CEP104: variants seen among roughly 807,000 people sequenced by gnomAD.
CEP104 encodes centrosomal protein 104, also known as centrosomal protein of 104 kDa.
A neutral mutation model predicts 113.3 loss-of-function variants in CEP104; 84 were observed. That is an observed-to-expected ratio of 0.74 (90% CI 0.62 to 0.89). The LOEUF is 0.89. Among genes scored for constraint, CEP104 ranks in the 40% least tolerant of loss-of-function variants. The pLI is 0.00. For missense variants in CEP104, 1,053 were observed against 1,156.6 expected, an observed-to-expected ratio of 0.91 and a Z score of 1.30; for synonymous variants, 378 against 421.7, an observed-to-expected ratio of 0.90 and a Z score of 1.27.
Position 3,836,377 on chromosome 1 carries a change from C to T in CEP104, c.1317+118G>A, listed in dbSNP as rs115574323. 4,118 of 1,008,994 alleles carry T rather than the reference C, an allele frequency of 4.1e-3. 115 individuals are homozygous for T. In the African/African-American group the frequency reaches 0.059, roughly 14 times the overall value. 62.5% of individuals were successfully genotyped at this position (1,008,994 alleles called of 1,614,324 possible). ...GAACAAAGGGAAGTCAACAATATTA[C>T]AAATGCAAAGCCGTGGGCGTTTTCC... is the stretch of plus-strand genomic sequence containing the variant. On this transcript the variant is annotated intron_variant, in intron 10 of 21. Coordinates refer to ENST00000378230, the MANE Select transcript of CEP104 (RefSeq NM_014704.4).
At chr1:3,841,897 C>T (rs1398178287) in intron 6 of CEP104, among the ~76,000 whole-genome samples, 1 of 152,224 alleles carries the variant, frequency 6.6e-6, no homozygotes, top group Non-Finnish European at 1.5e-5. Context: ...GCACTTGCTT[C>T]AGTAAGGGCA....
intron 20 of CEP104, among the ~76,000 whole-genome samples, chr1:3,818,926 C>G (rs1643920497): frequency 6.6e-6 from 1 of 152,184 alleles, no homozygotes; most frequent in Non-Finnish European, 1.5e-5. Flanking sequence ...GAAATCCCTT[C>G]CTATTCTGAA....
intron 4 of CEP104, 142 bp downstream of exon 4, chr1:3,847,333 G>A: frequency 2.3e-6 from 2 of 872,922 alleles, no homozygotes; most frequent in East Asian, 2.7e-5. Flanking sequence ...AGACAGCACA[G>A]CTCAGAGAGC....
At chr1:3,840,426 C>T (rs1024085357) in intron 6 of CEP104, among the ~76,000 whole-genome samples, 3 of 152,004 alleles carry the variant, frequency 2.0e-5, no homozygotes, top group Admixed American at 6.6e-5. Flanking sequence ...TTAGTATAGA[C>T]GGGTTTTCAT....
intron 21 of CEP104, 38 bp from the exon 22 acceptor site, chr1:3,815,555 C>T (rs2124628989): frequency 1.4e-6 from 2 of 1,430,396 alleles, no homozygotes; most frequent in South Asian, 1.3e-5. Context: ...AGGAGGGGCA[C>T]TCCTACCCAC....
rs1353220113 is a variant in CEP104 at position 3,847,664 on chromosome 1, A to G, written c.288-51T>C. On this transcript the variant is annotated intron_variant, in intron 3 of 21. Transcript: ENST00000378230. ...ATTTGAAAATGTGCTGTTCAATAAA[A>G]CTGCTCCCTACTCTGATTGAACTCA... 5 of 1,586,902 alleles carry G rather than the reference A, an allele frequency of 3.2e-6. No homozygotes were observed. In the East Asian group the frequency reaches 1.1e-4, roughly 35 times the overall value.
chr1:3,837,479 C>T lies in CEP104; in HGVS notation c.932G>A (p.Arg311His), dbSNP rs140022279. ...PFDLPLQPLARSGSPCHQKPM... is the reference protein window; with the variant it reads ...PFDLPLQPLAHSGSPCHQKPM... The stretch of plus-strand genomic sequence containing the variant: ...CTTTTGGTGGCAAGGACTGCCAGAA[C>T]GAGCGAGGGGCTGGAGGGGCAAATC... Residue 311 changes from arginine (R) to histidine (H), a missense_variant, in exon 9 of 22, where the codon CGT (arginine) becomes CAT (histidine). Arg to His is a conservative substitution (Grantham distance 29). Transcript: ENST00000378230. 1.6e-4 allele frequency: 263 copies of T among 1,614,216 alleles called. No individual in the cohort carries two copies. The highest frequency in any genetic ancestry group is 3.3e-4 in the Middle Eastern group (2 of 6,062).
At chr1:3,847,399 A>T in intron 4 of CEP104, 76 bp downstream of exon 4, 2 of 1,355,770 alleles carry the variant, frequency 1.5e-6, no homozygotes, top group Non-Finnish European at 2.0e-6. Flanking sequence ...AAATGCATCT[A>T]AGAAAAGATA....
intron 11 of CEP104, 53 bp downstream of exon 11, chr1:3,834,872 G>A (rs1232650487): frequency 5.3e-6 from 8 of 1,514,108 alleles, no homozygotes; most frequent in Non-Finnish European, 7.1e-6. Context: ...CTGTGGTACG[G>A]CGCATGATCT....
At position 3,839,546 on chromosome 1, in the gene CEP104, C is replaced by T. The variant is rs1360899519; in HGVS notation, c.735+62G>A. The T allele has an allele frequency of 9.8e-6, 14 of 1,424,964 alleles. No homozygotes were observed. The Admixed American group carries it at 1.5e-4, about 15-fold the overall frequency. The allele number at this position is 1,424,964 out of a possible 1,614,324, so 88.3% of individuals were successfully genotyped here. ...TGGTTTCTTTTACCATGTAGTTATT[C>T]TAAGTATACATAAAACCTATTACAG... On this transcript the variant is annotated intron_variant, in intron 7 of 21. Coordinates refer to ENST00000378230, the MANE Select transcript of CEP104 (RefSeq NM_014704.4).
At chr1:3,833,508 G>A (rs544117852) in intron 12 of CEP104, among the ~76,000 whole-genome samples, 1 of 152,150 alleles carries the variant, frequency 6.6e-6, no homozygotes, top group South Asian at 2.1e-4. Flanking sequence ...CCTAGAGGAG[G>A]CATATTTGGT....
chr1:3,828,362 T>G (rs1440231668), intron 15 of CEP104, among the ~76,000 whole-genome samples: 1 of 152,196 alleles, frequency 6.6e-6, no homozygotes, highest in African/African-American at 2.4e-5. Context: ...TCTGCCTGCC[T>G]CCTTCCGCCT....
chr1:3,852,162 G>A (rs1000693984), intron 2 of CEP104, 133 bp downstream of exon 2: 7 of 765,068 alleles, frequency 9.1e-6, no homozygotes, highest in Admixed American at 6.9e-5. Context: ...GCCTGACACT[G>A]CATGCTGACA....
Position 3,852,283 on chromosome 1 carries a change from T to C in CEP104, c.113+12A>G. 1 of 1,612,012 alleles carries C rather than the reference T, an allele frequency of 6.2e-7. No individual in the cohort carries two copies. Among genetic ancestry groups the C allele is most frequent in the Non-Finnish European group, 8.5e-7 (1 of 1,179,346 alleles). On this transcript the variant is annotated intron_variant, in intron 2 of 21. Coordinates refer to ENST00000378230, the MANE Select transcript of CEP104 (RefSeq NM_014704.4). ...GCCTCCCAGCCCAAGCCCCGCCCCG[T>C]CCAGTCCTCACCTAGGTGACCGCCA...
Position 3,823,616 on chromosome 1 carries a change from C to G in CEP104, c.2365-54G>C. On this transcript the variant is annotated intron_variant, in intron 18 of 21. Coordinates refer to ENST00000378230, the MANE Select transcript of CEP104 (RefSeq NM_014704.4). The surrounding 1 kb of genome is among the most constrained non-coding windows in gnomAD (Gnocchi z 4.1). ...GTTGCTGAGAAAGCGGCAGCGCCCT[C>G]CAGCCAGCCTGCAGAGCCTGTGAGC... The G allele has an allele frequency of 1.2e-6, 2 of 1,611,398 alleles. No individual in the cohort carries two copies. The highest frequency in any genetic ancestry group is 1.7e-6 in the Non-Finnish European group (2 of 1,178,702).
rs1013399938 is a variant in CEP104 at position 3,830,081 on chromosome 1, T to A, written c.1837-84A>T. The A allele has an allele frequency of 6.1e-6, 6 of 986,892 alleles. No homozygotes were observed. In the Admixed American group the frequency reaches 1.3e-4, roughly 22 times the overall value. 61.1% of individuals were successfully genotyped at this position (986,892 alleles called of 1,614,324 possible). A position where few individuals can be genotyped will look rare whatever the true frequency, so the allele number is the denominator to read the frequency against. On this transcript the variant is annotated intron_variant, in intron 13 of 21. Coordinates refer to ENST00000378230, the MANE Select transcript of CEP104 (RefSeq NM_014704.4). ...TTACAAAAAAGGTACATTATAAACA[T>A]GTGAAAAATAAAAGAGAAAACATCC...
rs113487532 is a variant in CEP104, at chr1:3,847,695, C to A, written c.288-82G>T. 1,202 of 1,389,294 alleles carry A rather than the reference C, an allele frequency of 8.7e-4. 6 individuals carry two copies. In the African/African-American group the frequency reaches 0.016, roughly 18 times the overall value. 86.1% of individuals were successfully genotyped at this position (1,389,294 alleles called of 1,614,324 possible). ...CCCTACTCTGATTGAACTCAATAGG[C>A]TCATTTATGTTTATTGTTTTATTTT... On this transcript the variant is annotated intron_variant, in intron 3 of 21. Transcript: ENST00000378230.
rs998537916 is a variant in CEP104 at position 3,827,429 on chromosome 1, A to G, written c.2152-685T>C. On this transcript the variant is annotated intron_variant, in intron 15 of 21. Transcript: ENST00000378230. ...GAGATGAGGTCTCACTATGTTGCCC[A>G]GGCTGGTCTTGAACTTCTGAAATCA... Among the ~76,000 whole-genome samples the G allele has an allele frequency of 3.9e-5, 6 of 152,048 alleles. No individual in the cohort carries two copies. In the East Asian group the frequency reaches 1.2e-3, roughly 29 times the overall value.
intron 10 of CEP104, 101 bp downstream of exon 10, chr1:3,836,394 G>C: frequency 8.4e-7 from 1 of 1,196,162 alleles, no homozygotes. Flanking sequence ...AAAGCCGTGG[G>C]CGTTTTCCCT....
Sources: allele counts gnomAD v4.1 joint callset (sites outside exome capture counted in the v4.1 genomes callset), GRCh38; gene constraint gnomAD v4.1.1; non-coding constraint Gnocchi (gnomAD v3.1); transcripts MANE v1.5; gene names NCBI Gene and HGNC (gene_info 2026-07-23, HGNC 2026-07-21).